Variants in PRKG2 observed in about 807,000 individuals in gnomAD.
PRKG2 encodes cGMP-dependent protein kinase 2.
Under a neutral mutation model 97.2 loss-of-function variants are expected in PRKG2, and 33 were observed. That is an observed-to-expected ratio of 0.34 (90% CI 0.26 to 0.45). The LOEUF (loss-of-function observed/expected upper bound fraction) is 0.45. PRKG2 is among the 20% of genes least tolerant of loss of function. PRKG2 has a pLI of 1.00. For synonymous variants in PRKG2, 330 were observed against 321.8 expected (o/e 1.03, Z -0.27); for missense variants, 638 against 900.0 (o/e 0.71, Z 3.73).
intron 2 of PRKG2, chr4:81,176,089 T>C (rs1023755260): frequency 5.3e-5 from 8 of 152,284 alleles, no homozygotes; most frequent in African/African-American, 1.9e-4. Context: ...CCATCATATC[T>C]TTAGGCTACA....
At chr4:81,189,867 C>G (rs576509941) in intron 2 of PRKG2, among the ~76,000 whole-genome samples, 122 of 152,182 alleles carry the variant, frequency 8.0e-4, no homozygotes, top group African/African-American at 2.7e-3. Flanking sequence ...ATACAACTTA[C>G]AAGGGATGTG....
chr4:81,140,391 C>T (rs1387669971), intron 12 of PRKG2, 142 bp downstream of exon 12: 1 of 662,202 alleles, frequency 1.5e-6, no homozygotes, highest in African/African-American at 1.9e-5. Context: ...ATGCCTGTAT[C>T]AAAACATTTC....
intron 1 of PRKG2, among the ~76,000 whole-genome samples, chr4:81,213,170 CA>C (rs1336081501): frequency 6.6e-6 from 1 of 152,028 alleles, no homozygotes; most frequent in Non-Finnish European, 1.5e-5. Flanking sequence ...CATCATGATG[CA>C]AATGTCTAGC....
At chr4:81,193,580 C>T (rs1752740328) in intron 2 of PRKG2, among the ~76,000 whole-genome samples, 1 of 152,140 alleles carries the variant, frequency 6.6e-6, no homozygotes, top group East Asian at 1.9e-4. Flanking sequence ...TGGCTCACAC[C>T]TGTAATCCCA....
chr4:81,175,071 T>A, intron 2 of PRKG2, 112 bp from the exon 3 acceptor site: 1 of 1,062,816 alleles, frequency 9.4e-7, no homozygotes, highest in Non-Finnish European at 1.3e-6. Context: ...TATAACTTTC[T>A]AGCAAGAACA....
At chr4:81,158,785 A>G (rs1449356512) in intron 6 of PRKG2, among the ~76,000 whole-genome samples, 25 of 152,172 alleles carry the variant, frequency 1.6e-4, no homozygotes, top group Admixed American at 1.6e-3. Flanking sequence ...GCCCTCAGAA[A>G]TAACGTCACA....
In PRKG2 at chr4:81,118,909, C is replaced by T. The variant is rs62302267; in HGVS notation, c.1777-8298G>A. On this transcript the variant is annotated intron_variant, in intron 14 of 18. Coordinates refer to ENST00000264399, the MANE Select transcript of PRKG2 (RefSeq NM_006259.3). The stretch of plus-strand genomic sequence containing the variant: ...TCCTGGTCTCAGGCAATCCTCCCAC[C>T]TCAGGCTCCCAAGTAGCTGGGACTG... 4.6e-3 allele frequency among the ~76,000 whole-genome samples: 695 copies of T among 152,282 alleles called. 2 individuals carry two copies. The highest frequency in any genetic ancestry group is 8.0e-3 in the Non-Finnish European group (544 of 68,020).
At chr4:81,099,369 C>A (rs1052908948) in intron 17 of PRKG2, among the ~76,000 whole-genome samples, 8 of 152,136 alleles carry the variant, frequency 5.3e-5, no homozygotes, top group Admixed American at 3.3e-4. Context: ...CCACCATGAT[C>A]AAGTGGGCTT....
chr4:81,164,817 A>C (rs1749847955), intron 6 of PRKG2: 1 of 152,184 alleles, frequency 6.6e-6, no homozygotes, highest in Admixed American at 6.5e-5. Context: ...TTAGAGTCAC[A>C]GTGCAAAAGG....
At chr4:81,091,271 T>C (rs1221847010) in intron 18 of PRKG2, among the ~76,000 whole-genome samples, 1 of 151,066 alleles carries the variant, frequency 6.6e-6, no homozygotes, top group Non-Finnish European at 1.5e-5. Context: ...AACAGTAGTG[T>C]TTTTATTATT....
At chr4:81,191,478 A>C (rs1752514015) in intron 2 of PRKG2, among the ~76,000 whole-genome samples, 1 of 152,014 alleles carries the variant, frequency 6.6e-6, no homozygotes, top group South Asian at 2.1e-4. Context: ...GAAATACCTA[A>C]TGTAGATGAG....
At chr4:81,105,022 T>A (rs996335923) in intron 16 of PRKG2, among the ~76,000 whole-genome samples, 3 of 152,136 alleles carry the variant, frequency 2.0e-5, no homozygotes, top group African/African-American at 7.2e-5. Context: ...AGAGGTCATA[T>A]AATAACACTT....
intron 14 of PRKG2, among the ~76,000 whole-genome samples, chr4:81,118,942 G>A (rs373052319): frequency 1.3e-5 from 2 of 152,042 alleles, no homozygotes; most frequent in African/African-American, 4.8e-5. Flanking sequence ...CTGCAGGTGT[G>A]AGCCACCACG....
chr4:81,107,555 C>T (rs1475582373), intron 15 of PRKG2, among the ~76,000 whole-genome samples: 1 of 152,074 alleles, frequency 6.6e-6, no homozygotes, highest in Non-Finnish European at 1.5e-5. Context: ...ACTCTGTCAT[C>T]AGGCTGGAGT....
At chr4:81,217,040 T>TATATATATAC (rs1456813925), upstream of PRKG2, among the ~76,000 whole-genome samples, 2 of 140,088 alleles carry the variant, frequency 1.4e-5, no homozygotes, top group African/African-American at 5.7e-5. Context: ...TGTATATATA[T>TATATATATAC]ATATATATAT....
chr4:81,138,378 CAG>C (rs916371720), intron 12 of PRKG2, among the ~76,000 whole-genome samples: 11 of 152,146 alleles, frequency 7.2e-5, no homozygotes, highest in African/African-American at 2.7e-4. Context: ...GTATCATACA[CAG>C]ATAGAAGAAG....
At chr4:81,187,407 C>T (rs1751980528) in intron 2 of PRKG2, among the ~76,000 whole-genome samples, 2 of 152,122 alleles carry the variant, frequency 1.3e-5, no homozygotes, top group Admixed American at 1.3e-4. Flanking sequence ...CAGAAAAGGA[C>T]TTCAACAAAA....
At chr4:81,105,674 T>G in intron 16 of PRKG2, 139 bp downstream of exon 16, 1 of 1,237,396 alleles carries the variant, frequency 8.1e-7, no homozygotes, top group Non-Finnish European at 1.1e-6. Context: ...AAACAGAAAA[T>G]GACTTCCTTC....
At chr4:81,113,090 T>C (rs1241849909) in intron 14 of PRKG2, among the ~76,000 whole-genome samples, 2 of 152,122 alleles carry the variant, frequency 1.3e-5, no homozygotes, top group African/African-American at 4.8e-5. Flanking sequence ...GATGGAATTA[T>C]GCATGGCAGG....
Sources: gnomAD v4.1 joint callset for allele counts (sites outside exome capture counted in the v4.1 genomes callset) on GRCh38, gnomAD v4.1.1 for gene constraint, MANE v1.5 for transcripts, NCBI Gene and HGNC (gene_info 2026-07-23, HGNC 2026-07-21) for gene names.